Variants in PDZD4 observed in about 807,000 individuals in gnomAD.
The protein encoded by PDZD4 is PDZ domain containing 4.
PDZD4 carries 9 observed loss-of-function variants against 38.5 expected under a neutral mutation model. The observed-to-expected ratio is 0.23, with a 90% CI of 0.14 to 0.41. The LOEUF (loss-of-function observed/expected upper bound fraction) is 0.41, where lower values mean the gene tolerates loss of function less well. Among genes scored for constraint, PDZD4 ranks in the 10% least tolerant of loss-of-function variants. The pLI, the probability that PDZD4 is intolerant of heterozygous loss-of-function variation, is 1.00. For synonymous variants in PDZD4, 349 were observed against 315.7 expected, an observed-to-expected ratio of 1.11 and a Z score of -1.12; for missense variants, 612 against 722.0, an observed-to-expected ratio of 0.85 and a Z score of 1.75.
chrX:153,829,447 T>C (rs2064517775), intron 1 of PDZD4: 1 of 112,785 alleles, frequency 8.9e-6, no homozygotes, highest in Non-Finnish European at 1.9e-5. Context: ...ATCCGGGACA[T>C]TTCTCTAGAC....
At chrX:153,819,887 C>A (rs182630154) in intron 1 of PDZD4, among the ~76,000 whole-genome samples, 377 of 112,081 alleles carry the variant, frequency 3.4e-3, no homozygotes, top group Non-Finnish European at 5.9e-3. Flanking sequence ...CACCTGCTCT[C>A]GGGGTTTCTA....
rs782318604 is a variant in PDZD4 at position 153,804,625 on chromosome X, G to A, written c.1056C>T (p.Val352=). The change falls in exon 8 of 8, where the codon GTC becomes GTT. Residue 352 remains valine (V), a synonymous_variant. Coordinates refer to ENST00000393758, the MANE Select transcript of PDZD4 (RefSeq NM_001303512.2). ...AEGAGLGGGD[V]PGLTDEEYER... ...CATACTCCTCATCCGTGAGGCCCGG[G>A]ACGTCGCCCCCTCCCAGCCCCGCCC... The A allele has an allele frequency of 7.4e-6, 9 of 1,208,307 alleles. No individual in the cohort carries two copies. The African/African-American group carries it at 1.6e-4, about 21-fold the overall frequency.
At chrX:153,821,915 C>T (rs1412085794) in intron 1 of PDZD4, among the ~76,000 whole-genome samples, 3 of 111,448 alleles carry the variant, frequency 2.7e-5, no homozygotes, top group Non-Finnish European at 3.8e-5. Context: ...GGAGGCCGGG[C>T]GCGGTGGCTC....
chrX:153,829,577 G>A (rs781869190), intron 1 of PDZD4: 115 of 345,513 alleles, frequency 3.3e-4, no homozygotes, highest in Non-Finnish European at 4.2e-4. Context: ...AAGAAGCCCC[G>A]TTCCGGGCCG....
chrX:153,804,408 C>T lies in PDZD4; in HGVS notation c.1273G>A (p.Ala425Thr). 8.3e-7 allele frequency: 1 copy of T among 1,210,094 alleles called. No homozygotes were observed. The highest frequency in any genetic ancestry group is 1.1e-6 in the Non-Finnish European group (1 of 895,594). Residue 425 changes from alanine to threonine, a missense_variant, in exon 8 of 8, where the codon GCG becomes ACG. Ala to Thr is a moderately conservative substitution (Grantham distance 58). Coordinates refer to ENST00000393758, the MANE Select transcript of PDZD4 (RefSeq NM_001303512.2). The stretch of plus-strand genomic sequence containing the variant: ...TCACGCAGCTGCTGCATCTTCTGCG[C>T]CCGCAGTATGTTGCGGCACTTGAAT... ...LEFKCRNILR[A>T]QKMQQLRERC...
intron 2 of PDZD4, 121 bp downstream of exon 2, chrX:153,808,221 C>T (rs1433349531): frequency 3.1e-5 from 33 of 1,070,583 alleles, no homozygotes; most frequent in Non-Finnish European, 3.9e-5. Context: ...TTGGGTACCA[C>T]GGTCAGTTCT....
Position 153,830,458 on chromosome X carries a change from G to A in PDZD4, c.-160C>T, listed in dbSNP as rs1189207592. On this transcript the variant is annotated 5_prime_UTR_variant, in exon 1 of 8. Coordinates refer to ENST00000393758, the MANE Select transcript of PDZD4 (RefSeq NM_001303512.2). ...AGGGGGGCACGCCCCCGAGGTGGGG[G>A]CAGCGGCTCGCCCCTCAGGTTAACT... 5 of 404,570 alleles carry A rather than the reference G, an allele frequency of 1.2e-5. No individual in the cohort carries two copies. Among genetic ancestry groups the A allele is most frequent in the Admixed American group, 5.3e-5 (1 of 18,887 alleles). The allele number at this position is 404,570 out of a possible 1,213,427, so 33.3% of individuals were successfully genotyped here.
intron 1 of PDZD4, among the ~76,000 whole-genome samples, chrX:153,815,105 C>G (rs782445097): frequency 8.8e-6 from 1 of 113,127 alleles, no homozygotes; most frequent in East Asian, 2.8e-4. Context: ...TTGACGTGCC[C>G]CATGGCGACT....
rs782049123 is a variant in PDZD4, at chrX:153,803,155, G to A, written c.*198C>T. ...CATGGTCACTTTACTTGGGCAGAAG[G>A]AAGAAAAGCGTCCCTTCTCCTCAGG... On this transcript the variant is annotated 3_prime_UTR_variant, in exon 8 of 8. Transcript: ENST00000393758. The A allele has an allele frequency of 1.3e-5, 4 of 314,067 alleles. No individual in the cohort carries two copies. Among genetic ancestry groups the A allele is most frequent in the South Asian group, 3.6e-4 (2 of 5,495 alleles). 25.9% of individuals were successfully genotyped at this position (314,067 alleles called of 1,213,427 possible). A position where few individuals can be genotyped will look rare whatever the true frequency, so the allele number is the denominator to read the frequency against.
intron 1 of PDZD4, among the ~76,000 whole-genome samples, chrX:153,822,639 CT>C (rs2064437138): frequency 1.6e-5 from 1 of 62,101 alleles, no homozygotes; most frequent in African/African-American, 6.2e-5. Flanking sequence ...CTCTCTCTCT[CT>C]CTCCCTCCCT....
Position 153,808,509 on chromosome X carries a change from C to T in PDZD4, c.147G>A (p.Val49=), listed in dbSNP as rs781904559. 1 of 1,209,511 alleles carries T rather than the reference C, an allele frequency of 8.3e-7. No individual in the cohort carries two copies. The highest frequency in any genetic ancestry group is 3.0e-5 in the East Asian group (1 of 33,802). ...RSSKEPLVIQ[V]LRRSPRLRGD... ...CCCGGAGGCGGGGGCTGCGTCTCAG[C>T]ACCTGGATCACCAGGGGCTCCTTGG... is the stretch of plus-strand genomic sequence containing the variant. Residue 49 remains valine, a synonymous_variant, in exon 2 of 8, where the codon GTG becomes GTA. Coordinates refer to ENST00000393758, the MANE Select transcript of PDZD4 (RefSeq NM_001303512.2).
At chrX:153,805,257 T>C in intron 6 of PDZD4, 50 bp from the exon 7 acceptor site, 2 of 1,052,920 alleles carry the variant, frequency 1.9e-6, no homozygotes, top group Non-Finnish European at 2.7e-6. Flanking sequence ...CCTCCCCATA[T>C]ACCCTTCTTG....
intron 1 of PDZD4, among the ~76,000 whole-genome samples, chrX:153,812,457 C>T (rs2064318987): frequency 9.0e-6 from 1 of 110,543 alleles, no homozygotes; most frequent in South Asian, 3.9e-4. Context: ...CTGAGGAGCG[C>T]TTGCTGGGCG....
chrX:153,804,773 AG>A lies in PDZD4; in HGVS notation c.907del (p.Leu303CysfsTer110). 8.3e-7 allele frequency: 1 copy of A among 1,211,276 alleles called. No individual in the cohort carries two copies. On this transcript the variant is annotated frameshift_variant, in exon 8 of 8. Coordinates refer to ENST00000393758, the MANE Select transcript of PDZD4 (RefSeq NM_001303512.2). LOFTEE classifies it high-confidence loss of function. ...GGAGCTCGGGGGTTCGTCCCCCAGC[AG>A]GTCGTGCTCAGAGCTCTCTTCGTTC... ...TRNEESSEHD[L>X]LGDEPPSSTN...
rs782555949 is a variant in PDZD4, at chrX:153,803,421, C to A, written c.2260G>T (p.Ala754Ser). 8.7e-7 allele frequency: 1 copy of A among 1,145,796 alleles called. No individual in the cohort carries two copies. Among genetic ancestry groups the A allele is most frequent in the Non-Finnish European group, 1.2e-6 (1 of 864,623 alleles). 94.4% of individuals were successfully genotyped at this position (1,145,796 alleles called of 1,213,427 possible). Residue 754 changes from alanine (A) to serine (S), a missense_variant, in exon 8 of 8, where the codon GCC becomes TCC. Transcript: ENST00000393758. ...CCATCGGCGGAGCGCGCGCCGTGGG[C>A]CAGCATCTCCTGGATGGTGATCCAG... ...DNWITIQEML[A>S]HGARSADGKR...
intron 2 of PDZD4, 42 bp from the exon 3 acceptor site, chrX:153,807,411 C>T (rs1320242953): frequency 8.9e-7 from 1 of 1,127,453 alleles, no homozygotes; most frequent in Admixed American, 2.4e-5. Flanking sequence ...TGGCCATCCT[C>T]TCACACCTCA....
chrX:153,819,412 T>C (rs2064398174), intron 1 of PDZD4, among the ~76,000 whole-genome samples: 1 of 112,541 alleles, frequency 8.9e-6, no homozygotes, highest in South Asian at 3.6e-4. Context: ...CAAGTGCTTG[T>C]CACACGGCGC....
At chrX:153,808,051 A>G (rs781994779) in intron 2 of PDZD4, 4 of 1,056,942 alleles carry the variant, frequency 3.8e-6, no homozygotes, top group Non-Finnish European at 1.2e-6. Context: ...GAGGCGGCAG[A>G]GGAGAGAGGA....
chrX:153,812,722 G>A (rs951721289), intron 1 of PDZD4, among the ~76,000 whole-genome samples: 2 of 111,289 alleles, frequency 1.8e-5, no homozygotes, highest in South Asian at 7.6e-4. Context: ...GGGGCCATGA[G>A]CAAAGAGGTA....
Sources: gnomAD v4.1 joint callset for allele counts (sites outside exome capture counted in the v4.1 genomes callset) on GRCh38, gnomAD v4.1.1 for gene constraint, MANE v1.5 for transcripts, NCBI Gene and HGNC (gene_info 2026-07-23, HGNC 2026-07-21) for gene names.